NCAN: variants seen among roughly 807,000 people sequenced by gnomAD.
NCAN encodes neurocan.
NCAN carries 47 observed loss-of-function variants against 121.8 expected under a neutral mutation model. The observed-to-expected ratio is 0.39, with a 90% CI of 0.31 to 0.49. NCAN has a LOEUF of 0.49. Ranked by LOEUF, NCAN falls within the 20% of genes least tolerant of loss-of-function variation. NCAN has a pLI of 0.92. For synonymous variants in NCAN, 633 were observed against 702.0 expected (o/e 0.90, Z 1.55); for missense variants, 1,517 against 1,773.4 (o/e 0.86, Z 2.60).
At chr19:19,247,532 T>G (rs1390157312) in intron 13 of NCAN, among the ~76,000 whole-genome samples, 7 of 151,852 alleles carry the variant, frequency 4.6e-5, no homozygotes, top group Non-Finnish European at 8.8e-5. Context: ...GAATTACAGG[T>G]GTGAGCCACC....
chr19:19,248,758 C>T lies in NCAN; in HGVS notation c.3696C>T (p.Ala1232=), dbSNP rs201697881. 3 of 1,614,172 alleles carry T rather than the reference C, an allele frequency of 1.9e-6. No individual in the cohort carries two copies. The highest frequency in any genetic ancestry group is 1.3e-5 in the African/African-American group (1 of 75,028). The change falls in exon 14 of 15, where the codon GCC becomes GCT. Residue 1232 remains alanine, a synonymous_variant. Transcript: ENST00000252575. ...ENASLIGARK[A]KYNVHATVRY... is the part of the protein sequence containing the mutation. ...CCTCACTCATCGGTGCCCGCAAGGC[C>T]AAGTACAATGTCCATGCCACTGTAA...
chr19:19,245,240 C>T, intron 12 of NCAN, 73 bp from the exon 13 acceptor site: 2 of 1,569,320 alleles, frequency 1.3e-6, no homozygotes, highest in Non-Finnish European at 1.7e-6. Flanking sequence ...AGGGGAGTCC[C>T]ACAGCAGGAA....
rs1229479904 is a variant in NCAN, at chr19:19,249,988, G to GAGA, written c.*79_*81dup. ...TTCGCCTGGGGAGACAGAACCCAGA[G>GAGA]AGAAACAAGAGAGTCCAGAAGTCCC... On this transcript the variant is annotated 3_prime_UTR_variant, in exon 15 of 15. Transcript: ENST00000252575. The GAGA allele has an allele frequency of 6.9e-7, 1 of 1,458,338 alleles. No individual in the cohort carries two copies. The highest frequency in any genetic ancestry group is 2.5e-5 in the East Asian group (1 of 40,584). 90.3% of individuals were successfully genotyped at this position (1,458,338 alleles called of 1,614,324 possible).
chr19:19,230,065 G>A (rs904017296), intron 8 of NCAN, among the ~76,000 whole-genome samples: 16 of 151,634 alleles, frequency 1.1e-4, no homozygotes, highest in African/African-American at 3.4e-4. Flanking sequence ...TGTTTTTTGA[G>A]ACTGAGTCTC....
chr19:19,217,823 C>T (rs555832369), intron 2 of NCAN, among the ~76,000 whole-genome samples: 15 of 152,182 alleles, frequency 9.9e-5, no homozygotes, highest in African/African-American at 3.4e-4. Context: ...TCCGTCTCTA[C>T]AGAAAATACA....
chr19:19,217,052 G>A, intron 2 of NCAN, 26 bp downstream of exon 2: 2 of 1,309,032 alleles, frequency 1.5e-6, no homozygotes. Flanking sequence ...GGGAGGGAGA[G>A]ATTGGGGTCT....
intron 1 of NCAN, among the ~76,000 whole-genome samples, chr19:19,213,007 T>C (rs1226947824): frequency 6.6e-6 from 1 of 151,514 alleles, no homozygotes; most frequent in East Asian, 1.9e-4. Context: ...GGCTGGGAAG[T>C]AAGGGCCCTG....
intron 1 of NCAN, among the ~76,000 whole-genome samples, chr19:19,214,761 TGTGAGAGA>T (rs1042174027): frequency 7.6e-5 from 11 of 145,218 alleles, no homozygotes; most frequent in African/African-American, 2.9e-4. Context: ...TGTGTGTGTG[TGTGAGAGA>T]GAGAGAGAAA....
intron 2 of NCAN, among the ~76,000 whole-genome samples, chr19:19,217,999 C>T (rs2060802055): frequency 6.6e-6 from 1 of 150,748 alleles, no homozygotes; most frequent in African/African-American, 2.4e-5. Context: ...AATAATAAGG[C>T]TGGGTGTAGT....
At chr19:19,247,855 T>C (rs1324909862) in intron 13 of NCAN, among the ~76,000 whole-genome samples, 1 of 152,126 alleles carries the variant, frequency 6.6e-6, no homozygotes, top group Non-Finnish European at 1.5e-5. Context: ...CTTCCAGCCC[T>C]GTGAGATAAG....
intron 11 of NCAN, 52 bp from the exon 12 acceptor site, chr19:19,240,551 G>C (rs1362484508): frequency 1.1e-5 from 17 of 1,584,610 alleles, no homozygotes; most frequent in African/African-American, 2.7e-5. Flanking sequence ...CTGTGCCCTG[G>C]GCCAGGAGAG....
At chr19:19,238,848 G>A (rs2060891422) in intron 11 of NCAN, 1 of 286,996 alleles carries the variant, frequency 3.5e-6, no homozygotes, top group African/African-American at 2.2e-5. Flanking sequence ...AGGGTGATGG[G>A]AGAAGCACCT....
intron 12 of NCAN, 36 bp from the exon 13 acceptor site, chr19:19,245,277 G>T: frequency 6.2e-7 from 1 of 1,609,696 alleles, no homozygotes. Context: ...TGGAACAGAG[G>T]TCCCCTGAAC....
At chr19:19,224,501 C>A in intron 5 of NCAN, 68 bp downstream of exon 5, 1 of 1,561,148 alleles carries the variant, frequency 6.4e-7, no homozygotes, top group Non-Finnish European at 8.7e-7. Context: ...CTCCCCAACT[C>A]CCATCCTCCG....
At chr19:19,213,374 T>C (rs1465534339) in intron 1 of NCAN, among the ~76,000 whole-genome samples, 1 of 151,864 alleles carries the variant, frequency 6.6e-6, no homozygotes, top group Non-Finnish European at 1.5e-5. Context: ...CACATCACCA[T>C]GTGGCAAAAT....
chr19:19,239,085 C>T (rs780936277), intron 11 of NCAN, among the ~76,000 whole-genome samples: 2 of 152,022 alleles, frequency 1.3e-5, no homozygotes, highest in Non-Finnish European at 2.9e-5. Context: ...GCGACTGGCT[C>T]GCGCCTTCTC....
intron 4 of NCAN, 45 bp from the exon 5 acceptor site, chr19:19,224,261 T>C: frequency 6.3e-7 from 1 of 1,599,056 alleles, no homozygotes; most frequent in Non-Finnish European, 8.6e-7. Context: ...CCTTGGGGGC[T>C]CCAGGAGCAC....
intron 6 of NCAN, 39 bp from the exon 7 acceptor site, chr19:19,226,447 C>T: frequency 6.8e-7 from 1 of 1,477,552 alleles, no homozygotes. Context: ...CCCAGGCAAC[C>T]CCTGGGCCTA....
At chr19:19,226,387 A>T (rs2060836902) in intron 6 of NCAN, 99 bp from the exon 7 acceptor site, 4 of 956,934 alleles carry the variant, frequency 4.2e-6, no homozygotes, top group South Asian at 1.7e-5. Context: ...GGTACACAGA[A>T]GGCTTATGCT....
Sources: allele counts gnomAD v4.1 joint callset (sites outside exome capture counted in the v4.1 genomes callset), GRCh38; gene constraint gnomAD v4.1.1; transcripts MANE v1.5; gene names NCBI Gene and HGNC (gene_info 2026-07-23, HGNC 2026-07-21).